The following ATP2A2 variants were observed in gnomAD, a reference collection of about 807,000 sequenced individuals.
ATP2A2 encodes the protein ATPase sarcoplasmic/endoplasmic reticulum Ca2+ transporting 2.
A neutral mutation model predicts 109.3 loss-of-function variants in ATP2A2; 14 were observed. That is an observed-to-expected ratio of 0.13 (90% CI 0.08 to 0.20). ATP2A2 has a LOEUF of 0.20. Among genes scored for constraint, ATP2A2 ranks in the 10% least tolerant of loss-of-function variants. The pLI is 1.00. For synonymous variants in ATP2A2, 506 were observed against 490.9 expected (o/e 1.03, Z -0.41); for missense variants, 657 against 1,321.6 (o/e 0.50, Z 7.80).
rs1880043145 is a variant in ATP2A2, at chr12:110,348,002, C to T, written c.*1532C>T. On this transcript the variant is annotated 3_prime_UTR_variant, in exon 20 of 20. Transcript: ENST00000539276. The stretch of plus-strand genomic sequence containing the variant: ...CTGGAGGTGTGGCTTTCATAGACCT[C>T]CACAGGCTGCCTAGGACAAGATGAC... 1.3e-5 allele frequency: 13 copies of T among 988,050 alleles called. No homozygotes were observed. The highest frequency in any genetic ancestry group is 1.4e-5 in the Non-Finnish European group (12 of 831,640). The allele number at this position is 988,050 out of a possible 1,614,324, so 61.2% of individuals were successfully genotyped here. A position where few individuals can be genotyped will look rare whatever the true frequency, so the allele number is the denominator to read the frequency against.
At position 110,350,940 on chromosome 12, in the gene ATP2A2, T is replaced by A. The variant is rs943814225; in HGVS notation, c.*4470T>A. 2 of 153,438 alleles carry A rather than the reference T, an allele frequency of 1.3e-5. No homozygotes were observed. Among genetic ancestry groups the A allele is most frequent in the African/African-American group, 4.8e-5 (2 of 41,474 alleles). The allele number at this position is 153,438 out of a possible 1,614,324, so 9.5% of individuals were successfully genotyped here. A position where few individuals can be genotyped will look rare whatever the true frequency, so the allele number is the denominator to read the frequency against. The stretch of plus-strand genomic sequence containing the variant: ...TGTTGGTGCAATACAAATATTGTGA[T>A]GCATTTATCTTAATAAAATGCTAAA... On this transcript the variant is annotated 3_prime_UTR_variant, in exon 20 of 20. Transcript: ENST00000539276.
Position 110,300,008 on chromosome 12 carries a change from A to G in ATP2A2, c.463+3271A>G, listed in dbSNP as rs192810166. On this transcript the variant is annotated intron_variant, in intron 5 of 19. Coordinates refer to ENST00000539276, the MANE Select transcript of ATP2A2 (RefSeq NM_170665.4). ...CGACCTCAGGTGGTCCGCCCGCCTC[A>G]GCCTCCCAAAGTGCTGGGATTACAG... Among the ~76,000 whole-genome samples the G allele has an allele frequency of 6.3e-3, 959 of 151,916 alleles. 36 individuals carry two copies. The East Asian group carries it at 0.1, about 16-fold the overall frequency.
chr12:110,317,135 A>C (rs183130841), intron 5 of ATP2A2, among the ~76,000 whole-genome samples: 16 of 152,288 alleles, frequency 1.1e-4, no homozygotes. Context: ...TAAACTACAA[A>C]ATTTATGACT....
At chr12:110,281,008 C>G (rs1458550303), upstream of ATP2A2, 2 of 152,002 alleles carry the variant, frequency 1.3e-5, no homozygotes, top group African/African-American at 2.4e-5. Flanking sequence ...GGGTACCCAG[C>G]TTCCCCTCCG....
intron 11 of ATP2A2, among the ~76,000 whole-genome samples, chr12:110,335,154 C>G (rs1006570835): frequency 2.0e-5 from 3 of 152,174 alleles, no homozygotes; most frequent in African/African-American, 4.8e-5. Context: ...AGGTTCCTCT[C>G]AAAGAGCTGC....
Position 110,328,912 on chromosome 12 carries a change from T to C in ATP2A2, c.1095+895T>C, listed in dbSNP as rs77556140. ...TCCTCTGTCTCTAGGTGTATGTTAA[T>C]AGACAAGTTCTAGAGAAAGCTGCTA... On this transcript the variant is annotated intron_variant, in intron 8 of 19. Coordinates refer to ENST00000539276, the MANE Select transcript of ATP2A2 (RefSeq NM_170665.4). 8.1e-3 allele frequency among the ~76,000 whole-genome samples: 1,229 copies of C among 152,288 alleles called. 1 individual carries two copies. Among genetic ancestry groups the C allele is most frequent in the Non-Finnish European group, 9.4e-3 (642 of 68,026 alleles).
At chr12:110,298,318 G>A (rs765891172) in intron 5 of ATP2A2, among the ~76,000 whole-genome samples, 1 of 150,532 alleles carries the variant, frequency 6.6e-6, no homozygotes. Flanking sequence ...GGACTGTGTA[G>A]TGTTTGTGTG....
At chr12:110,293,864 G>GTGTGTGTGTGTA (rs1262234570) in intron 4 of ATP2A2, among the ~76,000 whole-genome samples, 1 of 84,890 alleles carries the variant, frequency 1.2e-5, no homozygotes, top group African/African-American at 6.4e-5. Flanking sequence ...GTGTGTGTGT[G>GTGTGTGTGTGTA]TATATATTTT....
chr12:110,305,660 G>A (rs577809553), intron 5 of ATP2A2, among the ~76,000 whole-genome samples: 1 of 151,992 alleles, frequency 6.6e-6, no homozygotes, highest in Admixed American at 6.6e-5. Flanking sequence ...TGTATTTTTT[G>A]AAATTGGGAA....
intron 5 of ATP2A2, among the ~76,000 whole-genome samples, chr12:110,301,455 A>C (rs548595645): frequency 6.6e-6 from 1 of 152,112 alleles, no homozygotes; most frequent in Non-Finnish European, 1.5e-5. Flanking sequence ...CTTGGAAGTC[A>C]TCTTGATTTT....
At chr12:110,319,891 C>T (rs1448860313) in intron 5 of ATP2A2, among the ~76,000 whole-genome samples, 2 of 151,982 alleles carry the variant, frequency 1.3e-5, no homozygotes, top group Non-Finnish European at 2.9e-5. Context: ...ACTTTTTGAG[C>T]ACCAACATGA....
chr12:110,333,662 A>C (rs983033773), intron 10 of ATP2A2, among the ~76,000 whole-genome samples: 2 of 152,256 alleles, frequency 1.3e-5, no homozygotes, highest in Non-Finnish European at 2.9e-5. Flanking sequence ...TGAACTCTTC[A>C]GAATGATAAG....
chr12:110,284,384 A>G (rs1191689911), intron 3 of ATP2A2, among the ~76,000 whole-genome samples: 1 of 152,240 alleles, frequency 6.6e-6, no homozygotes, highest in Non-Finnish European at 1.5e-5. Flanking sequence ...CTTAAAAATT[A>G]ATCAGCTGAC....
At chr12:110,293,635 T>C (rs1263128617) in intron 4 of ATP2A2, among the ~76,000 whole-genome samples, 1 of 148,408 alleles carries the variant, frequency 6.7e-6, no homozygotes, top group Non-Finnish European at 1.5e-5. Flanking sequence ...CCTCAGATGA[T>C]TCCCCCTGCC....
intron 3 of ATP2A2, among the ~76,000 whole-genome samples, chr12:110,290,061 TTA>T (rs1873099849): frequency 6.6e-6 from 1 of 152,258 alleles, no homozygotes; most frequent in South Asian, 2.1e-4. Context: ...TGGACTTAGG[TTA>T]TCTCTGAAGT....
chr12:110,318,655 G>T (rs919208484), intron 5 of ATP2A2, among the ~76,000 whole-genome samples: 1 of 152,186 alleles, frequency 6.6e-6, no homozygotes, highest in Non-Finnish European at 1.5e-5. Context: ...TGTATTTTTA[G>T]TAGAGATGGG....
chr12:110,343,707 G>A (rs777877885), intron 16 of ATP2A2, among the ~76,000 whole-genome samples: 2 of 152,148 alleles, frequency 1.3e-5, no homozygotes, highest in Non-Finnish European at 2.9e-5. Flanking sequence ...CTGTGCAAAG[G>A]GATAAGAATG....
At position 110,321,669 on chromosome 12, in the gene ATP2A2, G is replaced by A. The variant is rs544831449; in HGVS notation, c.464-1323G>A. Among the ~76,000 whole-genome samples the A allele has an allele frequency of 3.9e-5, 6 of 152,226 alleles. No individual in the cohort carries two copies. In the South Asian group the frequency reaches 1.2e-3, roughly 32 times the overall value. On this transcript the variant is annotated intron_variant, in intron 5 of 19. Coordinates refer to ENST00000539276, the MANE Select transcript of ATP2A2 (RefSeq NM_170665.4). The stretch of plus-strand genomic sequence containing the variant: ...AGACTGGTCTCGAACTCCTAGCTTC[G>A]AGTGATCCTCCCGCCTCAGCCTCCC...
At chr12:110,286,088 T>C (rs1481069873) in intron 3 of ATP2A2, among the ~76,000 whole-genome samples, 2 of 152,076 alleles carry the variant, frequency 1.3e-5, no homozygotes, top group African/African-American at 2.4e-5. Flanking sequence ...CACGCCCGGC[T>C]AATTTTTGTA....
Sources: allele counts gnomAD v4.1 joint callset (sites outside exome capture counted in the v4.1 genomes callset), GRCh38; gene constraint gnomAD v4.1.1; transcripts MANE v1.5; gene names NCBI Gene and HGNC (gene_info 2026-07-23, HGNC 2026-07-21).